EXOC2: variants seen among roughly 807,000 people sequenced by gnomAD.
EXOC2 encodes exocyst complex component 2.
Under a neutral mutation model 131.8 loss-of-function variants are expected in EXOC2, and 70 were observed. The ratio of observed to expected loss-of-function variants is 0.53; its 90% CI spans 0.44 to 0.65. The LOEUF (loss-of-function observed/expected upper bound fraction) is 0.65, where lower values mean the gene tolerates loss of function less well. Among genes scored for constraint, EXOC2 ranks in the 30% least tolerant of loss-of-function variants. The probability of loss-of-function intolerance (pLI) is 0.00; values close to 1 mark genes in which losing one functional copy is unlikely to be tolerated. For missense variants in EXOC2, 923 were observed against 1,108.6 expected (o/e 0.83, Z 2.38); for synonymous variants, 411 against 398.4 (o/e 1.03, Z -0.38).
chr6:658,671 T>TATATATATATATATATATATA (rs1243155529), intron 1 of EXOC2, among the ~76,000 whole-genome samples: 1 of 125,402 alleles, frequency 8.0e-6, no homozygotes, highest in African/African-American at 3.1e-5. Flanking sequence ...ATATATTTTT[T>TATATATATATATATATATATA]TTTTTTTTAG....
chr6:639,801 G>T (rs1762274718), intron 1 of EXOC2, among the ~76,000 whole-genome samples: 1 of 152,156 alleles, frequency 6.6e-6, no homozygotes. Flanking sequence ...CTAAAGGGTC[G>T]CTGGAGATGA....
intron 1 of EXOC2, among the ~76,000 whole-genome samples, chr6:646,001 T>G (rs942401082): frequency 3.9e-5 from 6 of 152,198 alleles, no homozygotes; most frequent in Admixed American, 3.3e-4. Context: ...CTTGACATTT[T>G]CAAAGAGTAC....
At chr6:590,481 T>C (rs1014134168) in intron 11 of EXOC2, among the ~76,000 whole-genome samples, 1 of 152,170 alleles carries the variant, frequency 6.6e-6, no homozygotes, top group Non-Finnish European at 1.5e-5. Flanking sequence ...TCCATTGTAC[T>C]TCCTTCTCTA....
chr6:547,188 C>T (rs1561842059), intron 22 of EXOC2, among the ~76,000 whole-genome samples: 3 of 152,120 alleles, frequency 2.0e-5, no homozygotes. Flanking sequence ...TTTAATAATC[C>T]CCTAAAAACA....
intron 1 of EXOC2, chr6:670,231 G>A (rs892433144): frequency 1.3e-5 from 2 of 152,252 alleles, no homozygotes; most frequent in African/African-American, 4.8e-5. Flanking sequence ...CTGCAAACGT[G>A]AGGTTCAGTT....
At chr6:663,857 A>G (rs1332173684) in intron 1 of EXOC2, among the ~76,000 whole-genome samples, 1 of 152,214 alleles carries the variant, frequency 6.6e-6, no homozygotes, top group Non-Finnish European at 1.5e-5. Flanking sequence ...AGTTGAAAGC[A>G]TTCCCTCTGA....
intron 1 of EXOC2, among the ~76,000 whole-genome samples, chr6:665,698 G>C (rs1401125181): frequency 6.6e-6 from 1 of 151,982 alleles, no homozygotes; most frequent in Non-Finnish European, 1.5e-5. Flanking sequence ...CAAACATCGT[G>C]TGTTCTCACT....
intron 10 of EXOC2, among the ~76,000 whole-genome samples, chr6:594,811 A>C (rs1474172529): frequency 1.3e-5 from 2 of 152,220 alleles, no homozygotes. Context: ...GGGCTCTTCA[A>C]ATAAGTTTCT....
intron 1 of EXOC2, among the ~76,000 whole-genome samples, chr6:672,744 G>A (rs564322046): frequency 6.6e-6 from 1 of 152,136 alleles, no homozygotes; most frequent in Non-Finnish European, 1.5e-5. Context: ...AAGGGAAGTT[G>A]CTGATTTTCA....
rs12111358 is a variant in EXOC2, at chr6:604,351, T to C, written c.743-5126A>G. ...CACCTGCCACTCGCTCTACCTTCAC[T>C]AGCAGCCACGTCACCCTCACGTTAC... On this transcript the variant is annotated intron_variant, in intron 7 of 27. Transcript: ENST00000230449. Among the ~76,000 whole-genome samples the C allele has an allele frequency of 9.8e-3, 1,496 of 152,244 alleles. 17 individuals carry two copies. Among genetic ancestry groups the C allele is most frequent in the African/African-American group, 0.034 (1,423 of 41,538 alleles).
intron 1 of EXOC2, among the ~76,000 whole-genome samples, chr6:668,586 A>G (rs1763719016): frequency 6.6e-6 from 1 of 151,792 alleles, no homozygotes; most frequent in Non-Finnish European, 1.5e-5. Context: ...ACTTCCAACA[A>G]CCTAACCTCC....
intron 1 of EXOC2, among the ~76,000 whole-genome samples, chr6:680,608 G>A (rs1348938242): frequency 6.6e-6 from 1 of 152,208 alleles, no homozygotes; most frequent in East Asian, 1.9e-4. Context: ...GCTGGCTGGA[G>A]ATCCAGGCAG....
intron 17 of EXOC2, among the ~76,000 whole-genome samples, chr6:561,316 G>A (rs1258157437): frequency 6.6e-6 from 1 of 152,162 alleles, no homozygotes; most frequent in East Asian, 1.9e-4. Context: ...GGTGGAACTG[G>A]CTGGATAGAG....
At chr6:601,038 A>G (rs1268073823) in intron 7 of EXOC2, among the ~76,000 whole-genome samples, 6 of 152,050 alleles carry the variant, frequency 3.9e-5, no homozygotes, top group African/African-American at 1.4e-4. Context: ...ATAGATAAAA[A>G]TCACCAGTAG....
At chr6:518,296 T>C (rs532030456) in intron 23 of EXOC2, among the ~76,000 whole-genome samples, 1 of 152,320 alleles carries the variant, frequency 6.6e-6, no homozygotes, top group East Asian at 1.9e-4. Flanking sequence ...CAAGACTGGC[T>C]GTGAGATGAT....
In EXOC2 at chr6:615,408, T is replaced by C. The variant is rs999555500; in HGVS notation, c.661+2303A>G. 4.6e-5 allele frequency among the ~76,000 whole-genome samples: 7 copies of C among 151,906 alleles called. No homozygotes were observed. The East Asian group carries it at 1.4e-3, about 29-fold the overall frequency. ...AAAGTGAATCTTATCTAATATCCAA[T>C]TAGATGAGTCCAAGCAATTTAATGG... On this transcript the variant is annotated intron_variant, in intron 6 of 27. Transcript: ENST00000230449.
At chr6:663,936 A>G (rs1763524663) in intron 1 of EXOC2, among the ~76,000 whole-genome samples, 1 of 152,210 alleles carries the variant, frequency 6.6e-6, no homozygotes, top group South Asian at 2.1e-4. Context: ...AGTCCTAGCC[A>G]GAGCAATCAG....
intron 23 of EXOC2, among the ~76,000 whole-genome samples, chr6:502,562 G>C (rs1160829717): frequency 6.6e-6 from 1 of 152,082 alleles, no homozygotes; most frequent in Non-Finnish European, 1.5e-5. Context: ...CCCCGTAAAA[G>C]AGGTGAAGTG....
chr6:633,286 G>GT (rs1251931278), intron 2 of EXOC2, among the ~76,000 whole-genome samples, 169 bp from the exon 3 acceptor site: 1 of 151,932 alleles, frequency 6.6e-6, no homozygotes, highest in Non-Finnish European at 1.5e-5. Context: ...CCTCTTACCT[G>GT]TTTTTTTCTC....
Sources: gnomAD v4.1 joint callset for allele counts (sites outside exome capture counted in the v4.1 genomes callset) on GRCh38, gnomAD v4.1.1 for gene constraint, MANE v1.5 for transcripts, NCBI Gene and HGNC (gene_info 2026-07-23, HGNC 2026-07-21) for gene names.